RNF130: variants seen among roughly 807,000 people sequenced by gnomAD.
RNF130 encodes E3 ubiquitin-protein ligase RNF130.
In RNF130, 21 loss-of-function variants were observed where a neutral mutation model predicts 44.6. The ratio of observed to expected loss-of-function variants is 0.47; its 90% CI spans 0.33 to 0.68. The LOEUF (loss-of-function observed/expected upper bound fraction) is 0.68. RNF130 is among the 30% of genes least tolerant of loss of function. The pLI is 0.02. For missense variants in RNF130, 479 were observed against 560.6 expected (o/e 0.85, Z 1.47); for synonymous variants, 214 against 210.4 (o/e 1.02, Z -0.15).
At chr5:179,984,286 A>C (rs931242531) in intron 3 of RNF130, among the ~76,000 whole-genome samples, 1 of 152,068 alleles carries the variant, frequency 6.6e-6, no homozygotes, top group Non-Finnish European at 1.5e-5. Context: ...CTTTTTACTT[A>C]CTGTGCTGGC....
intron 1 of RNF130, among the ~76,000 whole-genome samples, chr5:180,070,213 A>G (rs1332106769): frequency 6.6e-6 from 1 of 152,226 alleles, no homozygotes; most frequent in Non-Finnish European, 1.5e-5. Flanking sequence ...GCAAATATTT[A>G]CTGAATGAAC....
intron 1 of RNF130, among the ~76,000 whole-genome samples, chr5:180,059,595 G>C (rs1262611140): frequency 6.6e-6 from 1 of 152,002 alleles, no homozygotes; most frequent in Non-Finnish European, 1.5e-5. Flanking sequence ...CAAATGAGAA[G>C]GTGCATCACT....
intron 3 of RNF130, among the ~76,000 whole-genome samples, chr5:180,003,211 G>C (rs573784937): frequency 6.6e-6 from 1 of 152,198 alleles, no homozygotes; most frequent in Admixed American, 6.5e-5. Context: ...GACTGACATG[G>C]AGGCACGAAG....
chr5:180,056,280 T>C (rs1351794441), intron 1 of RNF130, among the ~76,000 whole-genome samples: 2 of 150,990 alleles, frequency 1.3e-5, no homozygotes, highest in African/African-American at 2.4e-5. Context: ...TAATAGTGTA[T>C]GTATGACATT....
intron 1 of RNF130, among the ~76,000 whole-genome samples, chr5:180,044,784 A>T (rs1286471046): frequency 2.6e-5 from 4 of 151,876 alleles, no homozygotes; most frequent in Non-Finnish European, 5.9e-5. Context: ...GTGAGCCAAG[A>T]TTGTGCCACT....
intron 3 of RNF130, among the ~76,000 whole-genome samples, chr5:179,997,708 C>T (rs1394930280): frequency 1.3e-5 from 2 of 151,982 alleles, no homozygotes; most frequent in Non-Finnish European, 2.9e-5. Flanking sequence ...CTCAAGCAAT[C>T]AGTCTACCTT....
intron 3 of RNF130, among the ~76,000 whole-genome samples, chr5:179,993,727 T>C (rs1271054095): frequency 6.6e-6 from 1 of 152,242 alleles, no homozygotes; most frequent in South Asian, 2.1e-4. Context: ...CTCTTTAGTT[T>C]AATTAGATCC....
chr5:179,946,142 C>T (rs1014917141), intron 7 of RNF130, among the ~76,000 whole-genome samples: 2 of 152,242 alleles, frequency 1.3e-5, no homozygotes, highest in African/African-American at 4.8e-5. Flanking sequence ...TAGGGTGCAA[C>T]CCCCTACAGT....
At chr5:179,966,246 T>C (rs1279421887) in intron 7 of RNF130, among the ~76,000 whole-genome samples, 1 of 151,970 alleles carries the variant, frequency 6.6e-6, no homozygotes, top group Non-Finnish European at 1.5e-5. Context: ...TTCAGGCAGA[T>C]TGTCCTTTGG....
intron 7 of RNF130, among the ~76,000 whole-genome samples, chr5:179,946,233 G>A (rs997518787): frequency 6.6e-6 from 1 of 152,202 alleles, no homozygotes. Flanking sequence ...TCGTGCGTCC[G>A]AATTCTGAGT....
intron 7 of RNF130, among the ~76,000 whole-genome samples, chr5:179,966,152 C>A (rs776520547): frequency 6.6e-6 from 1 of 152,148 alleles, no homozygotes; most frequent in East Asian, 1.9e-4. Context: ...CCTGAGGCAC[C>A]GCCATCAATA....
At chr5:180,066,692 C>T (rs1765114920) in intron 1 of RNF130, among the ~76,000 whole-genome samples, 1 of 152,028 alleles carries the variant, frequency 6.6e-6, no homozygotes, top group South Asian at 2.1e-4. Flanking sequence ...AAAAAATTAG[C>T]CGTGCTTGGT....
At chr5:179,933,681 C>T (rs1761844782) in intron 7 of RNF130, 4 of 322,784 alleles carry the variant, frequency 1.2e-5, no homozygotes, top group East Asian at 8.8e-5. Context: ...TCCACCATGC[C>T]GGGCTAATTT....
intron 3 of RNF130, among the ~76,000 whole-genome samples, chr5:180,008,456 C>G (rs183096802): frequency 4.6e-5 from 7 of 152,176 alleles, no homozygotes; most frequent in Non-Finnish European, 8.8e-5. Flanking sequence ...TTTCTAAGCA[C>G]CAATGAAACA....
intron 1 of RNF130, among the ~76,000 whole-genome samples, chr5:180,054,756 T>C (rs1402806034): frequency 6.6e-6 from 1 of 152,244 alleles, no homozygotes; most frequent in African/African-American, 2.4e-5. Context: ...CAGGATGGTC[T>C]GAATGTGTAG....
In RNF130 at chr5:179,921,311, T is replaced by C. The variant is rs146742845; in HGVS notation, c.1151-885A>G. On this transcript the variant is annotated intron_variant, in intron 7 of 7. Coordinates refer to the RNF130 transcript ENST00000522208. ...ACTCCTATTGCCAGGGAAACATAGA[T>C]TAGTTTGCATCTTTCTAGAATTTTA... is the stretch of plus-strand genomic sequence containing the variant. Among the ~76,000 whole-genome samples, 11 of 152,336 alleles carry C rather than the reference T, an allele frequency of 7.2e-5. No individual in the cohort carries two copies. In the East Asian group the frequency reaches 1.5e-3, roughly 21 times the overall value.
intron 3 of RNF130, among the ~76,000 whole-genome samples, chr5:180,001,725 G>T (rs1171517396): frequency 6.6e-6 from 1 of 152,188 alleles, no homozygotes; most frequent in Non-Finnish European, 1.5e-5. Flanking sequence ...TGCAATGACA[G>T]CAAGTATCCT....
At chr5:179,948,787 A>G (rs982011877) in intron 7 of RNF130, among the ~76,000 whole-genome samples, 2 of 152,146 alleles carry the variant, frequency 1.3e-5, no homozygotes, top group Non-Finnish European at 2.9e-5. Flanking sequence ...ATTATTTTTA[A>G]AGTCTAAAGT....
chr5:180,005,129 TA>T (rs1763433815), intron 3 of RNF130, among the ~76,000 whole-genome samples: 1 of 152,124 alleles, frequency 6.6e-6, no homozygotes, highest in African/African-American at 2.4e-5. Context: ...ACTCCACTGC[TA>T]AAAAACCGTA....
Sources: allele counts gnomAD v4.1 joint callset (sites outside exome capture counted in the v4.1 genomes callset), GRCh38; gene constraint gnomAD v4.1.1; transcripts MANE v1.5; gene names NCBI Gene and HGNC (gene_info 2026-07-23, HGNC 2026-07-21).